KLF5: variants seen among roughly 807,000 people sequenced by gnomAD.
The protein encoded by KLF5 is Krueppel-like factor 5.
KLF5 carries 9 observed loss-of-function variants against 36.9 expected under a neutral mutation model. The observed-to-expected ratio is 0.24, with a 90% CI of 0.15 to 0.43. The LOEUF is 0.43. KLF5 is among the 20% of genes least tolerant of loss of function. KLF5 has a pLI of 1.00. For missense variants in KLF5, 524 were observed against 599.5 expected, an observed-to-expected ratio of 0.87 and a Z score of 1.31; for synonymous variants, 246 against 241.7, an observed-to-expected ratio of 1.02 and a Z score of -0.17.
intron 3 of KLF5, among the ~76,000 whole-genome samples, chr13:73,070,002 A>G (rs535251060): frequency 5.2e-4 from 79 of 152,318 alleles, no homozygotes; most frequent in African/African-American, 1.9e-3. Flanking sequence ...TTGATGGCCT[A>G]CATCGTTTCT....
At chr13:73,072,830 T>C (rs1204996818) in intron 3 of KLF5, among the ~76,000 whole-genome samples, 2 of 152,210 alleles carry the variant, frequency 1.3e-5, no homozygotes, top group Non-Finnish European at 2.9e-5. Context: ...CATGTTTAAC[T>C]TGAACATAGT....
chr13:73,060,722 C>T (rs1377240178), intron 1 of KLF5: 1 of 152,182 alleles, frequency 6.6e-6, no homozygotes, highest in Admixed American at 6.5e-5. Context: ...TCTTATTTAC[C>T]TGTTAAGGTG....
In KLF5 at chr13:73,059,777, G is replaced by T. The variant is rs868031180; in HGVS notation, c.261+189G>T. Reference sequence around the variant, plus strand: ...CCCGCGTTTCGCTGAGAGTAAATGGGGGGGGGGGCCGGGGGTGGGAAGGAT... The same window carrying T: ...CCCGCGTTTCGCTGAGAGTAAATGGTGGGGGGGGCCGGGGGTGGGAAGGAT... On this transcript the variant is annotated intron_variant, in intron 1 of 3. Transcript: ENST00000377687. 8.4e-4 allele frequency: 625 copies of T among 741,298 alleles called. 6 individuals carry two copies. In the African/African-American group the frequency reaches 0.011, roughly 13 times the overall value. The allele number at this position is 741,298 out of a possible 1,614,324, so 45.9% of individuals were successfully genotyped here.
intron 1 of KLF5, chr13:73,060,622 A>G (rs1265842267): frequency 6.6e-6 from 1 of 152,192 alleles, no homozygotes; most frequent in Non-Finnish European, 1.5e-5. Flanking sequence ...TTTATTTTTA[A>G]ATCATGTCTA....
intron 3 of KLF5, among the ~76,000 whole-genome samples, chr13:73,074,626 GACT>G (rs981276100): frequency 6.6e-6 from 1 of 152,104 alleles, no homozygotes; most frequent in Non-Finnish European, 1.5e-5. Context: ...AGAGAATTAA[GACT>G]ACATTATGAA....
intron 2 of KLF5, 72 bp downstream of exon 2, chr13:73,062,806 T>G (rs1485531383): frequency 6.8e-6 from 9 of 1,327,326 alleles, no homozygotes; most frequent in African/African-American, 3.5e-5. Context: ...TGCGCGCGCG[T>G]GTGCGTGTGT....
At position 73,063,716 on chromosome 13, in the gene KLF5, C is replaced by G. The variant is rs2044657883; in HGVS notation, c.1136-108C>G. Reference sequence around the variant, plus strand: ...AAACTGAAGCTTCAAATAATCTCATCTAGCATGAGAGATTTCTTCTTTAAA... The same window carrying G: ...AAACTGAAGCTTCAAATAATCTCATGTAGCATGAGAGATTTCTTCTTTAAA... On this transcript the variant is annotated intron_variant, in intron 2 of 3. Transcript: ENST00000377687. 1.3e-5 allele frequency: 10 copies of G among 766,688 alleles called. No individual in the cohort carries two copies. The South Asian group carries it at 1.6e-4, about 12-fold the overall frequency. The allele number at this position is 766,688 out of a possible 1,614,324, so 47.5% of individuals were successfully genotyped here.
chr13:73,061,863 A>T lies in KLF5; in HGVS notation c.264A>T (p.Thr88=), dbSNP rs955339085. 4.4e-6 allele frequency: 7 copies of T among 1,607,062 alleles called. No homozygotes were observed. The African/African-American group carries it at 6.7e-5, about 15-fold the overall frequency. ...PRLPPEDLVQ[T]RCEMEKYLTP... is the part of the protein sequence containing the mutation. ...ATTTTATATCTCTTCTTTTTTAGAC[A>T]AGATGTGAAATGGAGAAGTATCTGA... The change falls in exon 2 of 4, where the codon ACA becomes ACT. Residue 88 remains threonine, a splice_region_variant and synonymous_variant. Coordinates refer to ENST00000377687, the MANE Select transcript of KLF5 (RefSeq NM_001730.5).
At chr13:73,075,606 C>G in intron 3 of KLF5, 102 bp from the exon 4 acceptor site, 1 of 1,025,758 alleles carries the variant, frequency 9.7e-7, no homozygotes, top group South Asian at 2.0e-5. Context: ...CCTTCTTTCG[C>G]TTGGCCAAGA....
chr13:73,057,429 TATTAAATA>T (rs2139097690), upstream of KLF5, among the ~76,000 whole-genome samples: 1 of 152,312 alleles, frequency 6.6e-6, no homozygotes, highest in African/African-American at 2.4e-5. Context: ...CAAAAGCACT[TATTAAATA>T]ATACTTTGAT....
At position 73,062,155 on chromosome 13, in the gene KLF5, C is replaced by T. The variant is rs767847238; in HGVS notation, c.556C>T (p.Leu186Phe). 6.2e-7 allele frequency: 1 copy of T among 1,614,144 alleles called. No individual in the cohort carries two copies. ...TAPPPAPTQA[L>F]PEFTSIFSSH... ...CCCTCCTCCGGCCCCGACCCAGGCC[C>T]TCCCTGAGTTCACCAGTATATTCAG... The change falls in exon 2 of 4, where the codon CTC becomes TTC. Residue 186 changes from leucine (L) to phenylalanine (F), a missense_variant. By Grantham distance (22) the Leu-to-Phe change is conservative. Around this residue, in one of 4 missense-constraint regions of KLF5, gnomAD observed 454 missense variants for 458.1 expected, o/e 0.99. Transcript: ENST00000377687.
At chr13:73,074,577 T>G in intron 3 of KLF5, among the ~76,000 whole-genome samples, 1 of 150,354 alleles carries the variant, frequency 6.7e-6, no homozygotes, top group Admixed American at 6.6e-5. Context: ...CATTTATTCC[T>G]ACTGGAATAT....
intron 3 of KLF5, among the ~76,000 whole-genome samples, chr13:73,075,324 G>C (rs2044751586): frequency 6.6e-6 from 1 of 152,096 alleles, no homozygotes; most frequent in African/African-American, 2.4e-5. Flanking sequence ...GGGTTTGTTG[G>C]TATAGAAACT....
chr13:73,061,042 G>A (rs2044631294), intron 1 of KLF5, among the ~76,000 whole-genome samples: 3 of 152,054 alleles, frequency 2.0e-5, no homozygotes, highest in Admixed American at 2.0e-4. Context: ...ATGTTTTGCT[G>A]ATGACTGTGC....
At chr13:73,065,776 A>G (rs918903158) in intron 3 of KLF5, among the ~76,000 whole-genome samples, 3 of 152,178 alleles carry the variant, frequency 2.0e-5, no homozygotes, top group Non-Finnish European at 4.4e-5. Flanking sequence ...TCCTGGGTTT[A>G]AAGTCTCCTA....
At chr13:73,056,541 C>T (rs923755252), upstream of KLF5, among the ~76,000 whole-genome samples, 2 of 152,164 alleles carry the variant, frequency 1.3e-5, no homozygotes. Flanking sequence ...TTTACTAAGT[C>T]GGTGAAACAG....
chr13:73,063,176 TTGG>T (rs1435201074), intron 2 of KLF5, among the ~76,000 whole-genome samples: 2 of 152,072 alleles, frequency 1.3e-5, no homozygotes, highest in African/African-American at 4.8e-5. Flanking sequence ...AAAATAAGGT[TTGG>T]TGGTGAAGTG....
upstream of KLF5, chr13:73,054,983 C>T (rs182362738): frequency 6.6e-6 from 1 of 152,310 alleles, no homozygotes; most frequent in African/African-American, 2.4e-5. Flanking sequence ...ACCACTTTAG[C>T]TCAGACCTTT....
intron 3 of KLF5, 132 bp from the exon 4 acceptor site, chr13:73,075,574 CAT>C: frequency 1.4e-6 from 1 of 701,158 alleles, no homozygotes; most frequent in South Asian, 2.3e-5. Flanking sequence ...TGTATTTACT[CAT>C]AATGGAATTC....
Sources: allele counts gnomAD v4.1 joint callset (sites outside exome capture counted in the v4.1 genomes callset), GRCh38; gene constraint gnomAD v4.1.1; regional missense constraint gnomAD v4.1.1; transcripts MANE v1.5; gene names NCBI Gene and HGNC (gene_info 2026-07-23, HGNC 2026-07-21).